The following IL1RAPL1 variants were observed in gnomAD, a reference collection of about 807,000 sequenced individuals.
IL1RAPL1 encodes interleukin 1 receptor accessory protein like 1, also known as interleukin-1 receptor accessory protein-like 1.
In IL1RAPL1, 3 loss-of-function variants were observed where a neutral mutation model predicts 48.4. The observed-to-expected ratio is 0.06, with a 90% CI of 0.03 to 0.16. IL1RAPL1 has a LOEUF of 0.16. Among genes scored for constraint, IL1RAPL1 ranks in the 10% least tolerant of loss-of-function variants. The probability of loss-of-function intolerance (pLI) is 1.00; values close to 1 mark genes in which losing one functional copy is unlikely to be tolerated. For missense variants in IL1RAPL1, 349 were observed against 530.6 expected (o/e 0.66, Z 3.36); for synonymous variants, 185 against 187.7 (o/e 0.99, Z 0.12).
At chrX:29,845,115 A>G (rs1030528237) in intron 6 of IL1RAPL1, among the ~76,000 whole-genome samples, 1 of 112,239 alleles carries the variant, frequency 8.9e-6, no homozygotes, top group Non-Finnish European at 1.9e-5. Flanking sequence ...GACAGAATAC[A>G]TTTCTGTTGT....
chrX:29,605,163 G>A (rs1923855451), intron 5 of IL1RAPL1, among the ~76,000 whole-genome samples: 1 of 109,628 alleles, frequency 9.1e-6, no homozygotes, highest in Non-Finnish European at 1.9e-5. Flanking sequence ...GAGAGAGAGA[G>A]ACAGAGAGAA....
chrX:28,667,518 A>G (rs1934895020), intron 1 of IL1RAPL1, among the ~76,000 whole-genome samples: 1 of 111,669 alleles, frequency 9.0e-6, no homozygotes, highest in African/African-American at 3.3e-5. Flanking sequence ...CTGTGAACAC[A>G]TTTTTGTCTG....
chrX:29,766,338 A>T (rs1569163150), intron 6 of IL1RAPL1, among the ~76,000 whole-genome samples: 1 of 77,956 alleles, frequency 1.3e-5, no homozygotes, highest in African/African-American at 6.1e-5. Flanking sequence ...AAAAAAAAAA[A>T]AAAAATATAT....
chrX:29,483,751 G>A (rs1352947230), intron 5 of IL1RAPL1, among the ~76,000 whole-genome samples: 1 of 109,115 alleles, frequency 9.2e-6, no homozygotes, highest in Non-Finnish European at 1.9e-5. Flanking sequence ...GAGTGCAGTG[G>A]CACGATCTCA....
chrX:29,900,543 C>CAGAT (rs1406308245), intron 6 of IL1RAPL1, among the ~76,000 whole-genome samples: 1 of 111,998 alleles, frequency 8.9e-6, no homozygotes, highest in African/African-American at 3.2e-5. Context: ...TGTTTTAGAA[C>CAGAT]AGATACTATT....
chrX:29,404,878 G>T (rs1934035651), intron 5 of IL1RAPL1, among the ~76,000 whole-genome samples: 1 of 103,921 alleles, frequency 9.6e-6, no homozygotes, highest in Non-Finnish European at 2.0e-5. Flanking sequence ...CTTTGAAAAA[G>T]AATTTTGCTG....
chrX:28,926,100 C>A (rs1442251535), intron 2 of IL1RAPL1, among the ~76,000 whole-genome samples: 1 of 111,865 alleles, frequency 8.9e-6, no homozygotes, highest in Non-Finnish European at 1.9e-5. Flanking sequence ...AATTTAAGTT[C>A]ATTATAATTA....
chrX:28,887,454 C>T (rs1043508338), intron 2 of IL1RAPL1, among the ~76,000 whole-genome samples: 3 of 112,177 alleles, frequency 2.7e-5, no homozygotes, highest in South Asian at 3.6e-4. Context: ...TAAGCACATG[C>T]GTGCTCACCA....
intron 2 of IL1RAPL1, among the ~76,000 whole-genome samples, chrX:29,280,148 G>C (rs1932178288): frequency 9.0e-6 from 1 of 111,583 alleles, no homozygotes; most frequent in African/African-American, 3.3e-5. Context: ...TTACCACCTA[G>C]GATTCATTTT....
rs1034872439 is a variant in IL1RAPL1 at position 29,561,459 on chromosome X, G to T, written c.704-106971G>T. Among the ~76,000 whole-genome samples, 3 of 111,921 alleles carry T rather than the reference G, an allele frequency of 2.7e-5. No homozygotes were observed. In the East Asian group the frequency reaches 8.5e-4, roughly 32 times the overall value. On this transcript the variant is annotated intron_variant, in intron 5 of 10. Transcript: ENST00000378993. ...TTTAGTTCTTTACTGAAGTTGCTGT[G>T]AGCTCTCACCCCTTTTCCCTGTTCT...
chrX:28,890,084 G>T, intron 2 of IL1RAPL1, among the ~76,000 whole-genome samples: 1 of 111,112 alleles, frequency 9.0e-6, no homozygotes, highest in Non-Finnish European at 1.9e-5. Flanking sequence ...AGTGAGGAGG[G>T]AACATAGATA....
intron 1 of IL1RAPL1, among the ~76,000 whole-genome samples, chrX:28,590,257 G>T (rs950943744): frequency 9.0e-6 from 1 of 111,309 alleles, no homozygotes; most frequent in Non-Finnish European, 1.9e-5. Context: ...ATCTAGTTGT[G>T]CTATTTCCTA....
chrX:29,815,044 G>A (rs758971688), intron 6 of IL1RAPL1, among the ~76,000 whole-genome samples: 29 of 111,634 alleles, frequency 2.6e-4, no homozygotes, highest in Non-Finnish European at 4.0e-4. Context: ...GCTTAGAACC[G>A]CTTTGGCTAT....
chrX:28,843,510 A>G (rs1265527413), intron 2 of IL1RAPL1, among the ~76,000 whole-genome samples: 1 of 111,883 alleles, frequency 8.9e-6, no homozygotes, highest in Non-Finnish European at 1.9e-5. Context: ...TTCCATAATT[A>G]TAAACAATTT....
intron 6 of IL1RAPL1, among the ~76,000 whole-genome samples, chrX:29,813,675 T>C (rs987359148): frequency 1.8e-5 from 2 of 111,228 alleles, no homozygotes; most frequent in Non-Finnish European, 1.9e-5. Context: ...TGGGGTATGA[T>C]TGAACCCATC....
chrX:29,329,570 C>T (rs746687873), intron 3 of IL1RAPL1, among the ~76,000 whole-genome samples: 31 of 111,005 alleles, frequency 2.8e-4, no homozygotes, highest in African/African-American at 9.8e-4. Context: ...CCCAGCACTT[C>T]GGGAGGCTGA....
At chrX:28,788,899 T>G (rs1936503206) in intron 1 of IL1RAPL1, among the ~76,000 whole-genome samples, 1 of 112,060 alleles carries the variant, frequency 8.9e-6, no homozygotes, top group Admixed American at 9.5e-5. Flanking sequence ...TTAATCTCTG[T>G]TGGAAAGAAT....
intron 6 of IL1RAPL1, among the ~76,000 whole-genome samples, chrX:29,726,756 TGAGTCCAG>T (rs1245016520): frequency 4.5e-5 from 5 of 111,998 alleles, no homozygotes; most frequent in Non-Finnish European, 1.9e-5. Context: ...GAGGATATCT[TGAGTCCAG>T]GAGTTTAGGA....
chrX:29,045,253 C>CAAA (rs1414411355), intron 2 of IL1RAPL1, among the ~76,000 whole-genome samples: 5 of 111,733 alleles, frequency 4.5e-5, no homozygotes, highest in African/African-American at 1.6e-4. Context: ...TTGGATACTT[C>CAAA]AACTGCAAGC....
Sources: gnomAD v4.1 joint callset for allele counts (sites outside exome capture counted in the v4.1 genomes callset) on GRCh38, gnomAD v4.1.1 for gene constraint, MANE v1.5 for transcripts, NCBI Gene and HGNC (gene_info 2026-07-23, HGNC 2026-07-21) for gene names.